Variants in KCNT2 observed in about 807,000 individuals in gnomAD.
KCNT2 encodes the protein potassium sodium-activated channel subfamily T member 2.
KCNT2 carries 67 observed loss-of-function variants against 153.8 expected under a neutral mutation model. The ratio of observed to expected loss-of-function variants is 0.44; its 90% CI spans 0.36 to 0.53. The LOEUF (loss-of-function observed/expected upper bound fraction) is 0.53, where lower values mean the gene tolerates loss of function less well. Ranked by LOEUF, KCNT2 falls within the 20% of genes least tolerant of loss-of-function variation. KCNT2 has a pLI of 0.00. For missense variants in KCNT2, 975 were observed against 1,354.8 expected (o/e 0.72, Z 4.40); for synonymous variants, 500 against 458.8 (o/e 1.09, Z -1.15).
At chr1:196,511,116 AAC>A (rs35177032) in intron 1 of KCNT2, among the ~76,000 whole-genome samples, 7,727 of 146,446 alleles carry the variant, frequency 0.053, 188 homozygotes, top group Non-Finnish European at 0.062. Context: ...AAACACACAC[AAC>A]ACACACACAC....
At chr1:196,323,375 TTCTA>T (rs1314711242) in intron 19 of KCNT2, among the ~76,000 whole-genome samples, 1 of 151,920 alleles carries the variant, frequency 6.6e-6, no homozygotes, top group African/African-American at 2.4e-5. Context: ...TGACTTGCTT[TTCTA>T]TCTTTCACAT....
At chr1:196,492,842 C>T (rs1165809027) in intron 1 of KCNT2, among the ~76,000 whole-genome samples, 2 of 152,098 alleles carry the variant, frequency 1.3e-5, no homozygotes, top group African/African-American at 4.8e-5. Context: ...TTCACTACAC[C>T]TATAGCCTAT....
chr1:196,370,498 G>C (rs931507329), intron 14 of KCNT2, among the ~76,000 whole-genome samples: 2 of 151,938 alleles, frequency 1.3e-5, no homozygotes, highest in African/African-American at 2.4e-5. Context: ...CAGAGTACTG[G>C]GTAAGTTGCT....
chr1:196,318,727 T>G lies in KCNT2; in HGVS notation c.2348+757A>C, dbSNP rs549057306. On this transcript the variant is annotated intron_variant, in intron 20 of 27. Transcript: ENST00000294725. Reference sequence around the variant, plus strand: ...ATCATATTTTAGACTGTTTGACCTTTAATGTATCCACAGCACTAAATACTT... The same window carrying G: ...ATCATATTTTAGACTGTTTGACCTTGAATGTATCCACAGCACTAAATACTT... Among the ~76,000 whole-genome samples, 11 of 151,868 alleles carry G rather than the reference T, an allele frequency of 7.2e-5. No individual in the cohort carries two copies. The South Asian group carries it at 2.1e-3, about 29-fold the overall frequency.
At chr1:196,544,085 C>A (rs1656738001) in intron 1 of KCNT2, among the ~76,000 whole-genome samples, 1 of 152,074 alleles carries the variant, frequency 6.6e-6, no homozygotes, top group Non-Finnish European at 1.5e-5. Flanking sequence ...CGCACAGCAA[C>A]AACTGAAGTA....
chr1:196,593,311 T>TACACAC (rs869080667), intron 1 of KCNT2, among the ~76,000 whole-genome samples: 1,611 of 140,168 alleles, frequency 0.011, 29 homozygotes, highest in African/African-American at 0.038. Flanking sequence ...TATATATATA[T>TACACAC]ACACACACAC....
intron 1 of KCNT2, among the ~76,000 whole-genome samples, chr1:196,584,601 A>G (rs976971737): frequency 6.6e-5 from 10 of 152,152 alleles, no homozygotes; most frequent in African/African-American, 2.4e-4. Context: ...AGACAGAAAG[A>G]GTACAGATGA....
intron 14 of KCNT2, among the ~76,000 whole-genome samples, chr1:196,349,560 A>C (rs1188175239): frequency 6.6e-6 from 1 of 152,080 alleles, no homozygotes; most frequent in Non-Finnish European, 1.5e-5. Context: ...GTAAGCAAGA[A>C]ACTGCATTCC....
chr1:196,345,403 T>C (rs1015418836), intron 14 of KCNT2, among the ~76,000 whole-genome samples: 2 of 152,042 alleles, frequency 1.3e-5, no homozygotes, highest in Admixed American at 6.6e-5. Flanking sequence ...AGACAGTTAA[T>C]GCTTGATGCG....
chr1:196,484,624 G>T (rs1347855738), intron 3 of KCNT2, among the ~76,000 whole-genome samples: 1 of 152,010 alleles, frequency 6.6e-6, no homozygotes, highest in Non-Finnish European at 1.5e-5. Context: ...GAATGGTATT[G>T]CCTTGGTTTT....
At chr1:196,228,908 G>A (rs886079540) in intron 27 of KCNT2, among the ~76,000 whole-genome samples, 16 of 151,924 alleles carry the variant, frequency 1.1e-4, no homozygotes, top group Non-Finnish European at 5.9e-5. Flanking sequence ...AATGCATAAC[G>A]TTTAAATTAG....
At chr1:196,398,462 C>T (rs1285770232) in intron 13 of KCNT2, 101 bp downstream of exon 13, 1 of 579,692 alleles carries the variant, frequency 1.7e-6, no homozygotes, top group African/African-American at 1.9e-5. Flanking sequence ...TCTTTAGAAT[C>T]TTGAATACTT....
At chr1:196,348,061 A>G (rs919087926) in intron 14 of KCNT2, among the ~76,000 whole-genome samples, 15 of 152,180 alleles carry the variant, frequency 9.9e-5, no homozygotes, top group Non-Finnish European at 5.9e-5. Flanking sequence ...GTTTTGTTAA[A>G]TGAACAAAGA....
intron 16 of KCNT2, among the ~76,000 whole-genome samples, chr1:196,339,438 T>C (rs996524301): frequency 5.3e-4 from 81 of 151,984 alleles, no homozygotes; most frequent in African/African-American, 1.9e-3. Flanking sequence ...TGGAGAAATT[T>C]GTCTCTGAAG....
chr1:196,331,832 A>T (rs1265525054), intron 17 of KCNT2, among the ~76,000 whole-genome samples: 1 of 152,144 alleles, frequency 6.6e-6, no homozygotes, highest in Non-Finnish European at 1.5e-5. Flanking sequence ...ATAACTACAT[A>T]ACCGAAATGG....
intron 1 of KCNT2, among the ~76,000 whole-genome samples, chr1:196,562,648 G>A (rs1053115385): frequency 6.6e-6 from 1 of 151,578 alleles, no homozygotes; most frequent in African/African-American, 2.4e-5. Flanking sequence ...ATAATAAATT[G>A]GTCATGATAT....
chr1:196,457,013 A>T (rs1303171572), intron 8 of KCNT2, among the ~76,000 whole-genome samples: 1 of 151,826 alleles, frequency 6.6e-6, no homozygotes, highest in Non-Finnish European at 1.5e-5. Context: ...TTAATTCTCA[A>T]CTGAGATCCC....
chr1:196,558,843 T>C (rs1659024867), intron 1 of KCNT2, among the ~76,000 whole-genome samples: 1 of 151,594 alleles, frequency 6.6e-6, no homozygotes, highest in Non-Finnish European at 1.5e-5. Context: ...ATTTTTATTA[T>C]GTATAAAAAT....
chr1:196,584,325 G>T (rs937408822), intron 1 of KCNT2, among the ~76,000 whole-genome samples: 9 of 152,084 alleles, frequency 5.9e-5, no homozygotes, highest in Admixed American at 5.9e-4. Flanking sequence ...AAATGTAATG[G>T]TGTATAATTT....
Sources: allele counts gnomAD v4.1 joint callset (sites outside exome capture counted in the v4.1 genomes callset), GRCh38; gene constraint gnomAD v4.1.1; transcripts MANE v1.5; gene names NCBI Gene and HGNC (gene_info 2026-07-23, HGNC 2026-07-21).